The following CDH23 variants were observed in gnomAD, a reference collection of about 807,000 sequenced individuals.
CDH23 encodes the protein cadherin related 23, also known as cadherin-23.
A neutral mutation model predicts 317.1 loss-of-function variants in CDH23; 189 were observed. That is an observed-to-expected ratio of 0.60 (90% CI 0.53 to 0.67). CDH23 has a LOEUF of 0.67. Among genes scored for constraint, CDH23 ranks in the 30% least tolerant of loss-of-function variants. CDH23 has a pLI of 0.00. For missense variants in CDH23, 4,401 were observed against 4,592.4 expected (o/e 0.96, Z 1.20); for synonymous variants, 1,839 against 1,876.8 (o/e 0.98, Z 0.52).
At chr10:71,729,394 G>A (rs1866961132) in intron 30 of CDH23, among the ~76,000 whole-genome samples, 1 of 152,220 alleles carries the variant, frequency 6.6e-6, no homozygotes, top group Non-Finnish European at 1.5e-5. Context: ...TGTCATGGAG[G>A]GAGCTAGGCC....
At chr10:71,679,577 C>A in intron 17 of CDH23, 85 bp downstream of exon 17, 2 of 1,074,118 alleles carry the variant, frequency 1.9e-6, no homozygotes, top group Non-Finnish European at 2.8e-6. Context: ...GGGGATGAGG[C>A]GGGCACTCCT....
intron 8 of CDH23, among the ~76,000 whole-genome samples, chr10:71,575,278 C>A (rs1211268678): frequency 6.6e-6 from 1 of 152,132 alleles, no homozygotes; most frequent in African/African-American, 2.4e-5. Context: ...TCATCAGATG[C>A]ACACAGTGAT....
rs116123057 is a variant in CDH23 at position 71,679,540 on chromosome 10, G to T, written c.1858+48G>T. ...GGCCCAGCCAGGAGGAGGGCTGGGG[G>T]GCTCTCTGCACTCACACCTCCCTTG... On this transcript the variant is annotated intron_variant, in intron 17 of 69. Coordinates refer to ENST00000224721, the MANE Select transcript of CDH23 (RefSeq NM_022124.6). 8.1e-4 allele frequency: 1,131 copies of T among 1,393,008 alleles called. 7 individuals carry two copies. In the African/African-American group the frequency reaches 0.011, roughly 14 times the overall value. The allele number at this position is 1,393,008 out of a possible 1,614,324, so 86.3% of individuals were successfully genotyped here.
In CDH23 at chr10:71,408,735, C is replaced by T. The variant is rs760600994; in HGVS notation, c.-6+11417C>T. On this transcript the variant is annotated intron_variant, in intron 1 of 69. Coordinates refer to ENST00000224721, the MANE Select transcript of CDH23 (RefSeq NM_022124.6). ...AGAGAGGCTGTTAACTAGGTGACCT[C>T]GTTGCACCTGTGTGTTTCACAGCTT... is the stretch of plus-strand genomic sequence containing the variant. Among the ~76,000 whole-genome samples the T allele has an allele frequency of 6.6e-4, 100 of 152,208 alleles. 2 individuals are homozygous for T. The highest frequency in any genetic ancestry group is 2.1e-4 in the Non-Finnish European group (14 of 68,040).
intron 22 of CDH23, among the ~76,000 whole-genome samples, chr10:71,699,047 G>A (rs1589347246): frequency 1.3e-5 from 2 of 152,328 alleles, no homozygotes; most frequent in Middle Eastern, 6.8e-3. Flanking sequence ...TGGCACATGG[G>A]GAGTGGTCGG....
chr10:71,576,940 G>A (rs1858248764), intron 8 of CDH23, among the ~76,000 whole-genome samples: 1 of 152,176 alleles, frequency 6.6e-6, no homozygotes, highest in South Asian at 2.1e-4. Context: ...TCCTAGGACA[G>A]TCTTATGCCT....
chr10:71,755,986 AATAG>A (rs1375241756), intron 38 of CDH23, among the ~76,000 whole-genome samples: 1 of 152,212 alleles, frequency 6.6e-6, no homozygotes, highest in East Asian at 1.9e-4. Context: ...GTTTTATCAT[AATAG>A]ATAAAAAGCC....
In CDH23 at chr10:71,732,316, C is replaced by T. The variant is rs41281318; in HGVS notation, c.4045C>T (p.Arg1349Cys). Residue 1349 changes from arginine (R) to cysteine (C), a missense_variant, in exon 32 of 70, where the codon CGC becomes TGC. By Grantham distance (180) the Arg-to-Cys change is radical (BLOSUM62 -3). Coordinates refer to ENST00000224721, the MANE Select transcript of CDH23 (RefSeq NM_022124.6). ...CGACAACCTCAACCAAATCACGTAC[C>T]GCTTCAACGCCTACACCAGCACCCA... Reference protein sequence around the residue: ...SIDNLNQITYRFNAYTSTQAK... With the variant: ...SIDNLNQITYCFNAYTSTQAK... The T allele has an allele frequency of 4.4e-3, 7,066 of 1,603,690 alleles. 21 individuals carry two copies. Among genetic ancestry groups the T allele is most frequent in the Non-Finnish European group, 5.4e-3 (6,384 of 1,174,874 alleles).
At chr10:71,689,793 CAG>C (rs1440123753) in intron 19 of CDH23, among the ~76,000 whole-genome samples, 1 of 152,182 alleles carries the variant, frequency 6.6e-6, no homozygotes, top group African/African-American at 2.4e-5. Flanking sequence ...CTGAGGGGTC[CAG>C]TCTGGGTGTG....
At chr10:71,636,833 C>T (rs921745174) in intron 11 of CDH23, among the ~76,000 whole-genome samples, 4 of 152,192 alleles carry the variant, frequency 2.6e-5, no homozygotes, top group African/African-American at 4.8e-5. Context: ...CCATGAGTGG[C>T]GGGGCAGGCC....
chr10:71,799,704 T>C, intron 52 of CDH23, 75 bp downstream of exon 52: 4 of 1,597,988 alleles, frequency 2.5e-6, no homozygotes, highest in Non-Finnish European at 2.6e-6. Context: ...CCACCAAAAG[T>C]ATTGTAGTAA....
chr10:71,751,251 G>C lies in CDH23; in HGVS notation c.4845+9330G>C, dbSNP rs1477436185. The C allele has an allele frequency of 6.2e-7, 1 of 1,608,488 alleles. No individual in the cohort carries two copies. Among genetic ancestry groups the C allele is most frequent in the Non-Finnish European group, 8.5e-7 (1 of 1,177,128 alleles). On this transcript the variant is annotated intron_variant, in intron 38 of 69. Transcript: ENST00000224721. This position sits in a 1 kb window ranked among gnomAD's most constrained non-coding sequence, Gnocchi z 4.9. ...ACAACAGCCCACTGTCCCCCAGCTGGGCTAGATGACCTCAAAGTTTGGAGA... is the reference window on the plus strand; with the variant it reads ...ACAACAGCCCACTGTCCCCCAGCTGCGCTAGATGACCTCAAAGTTTGGAGA...
chr10:71,702,799 C>G (rs1865642396), intron 24 of CDH23, 105 bp downstream of exon 24: 2 of 1,352,130 alleles, frequency 1.5e-6, no homozygotes, highest in Non-Finnish European at 2.1e-6. Context: ...AGGGGAGGAG[C>G]TGGGTCTTGA....
In CDH23 at chr10:71,719,439, G is replaced by A. The variant is rs148483703; in HGVS notation, c.3370-4606G>A. ...GTTCCACAGAGCAGGACCTGCTGTG[G>A]GCAGAGAAGACTGCTGTGTGGCCTC... On this transcript the variant is annotated intron_variant, in intron 28 of 69. Transcript: ENST00000224721. Among the ~76,000 whole-genome samples, 14 of 152,294 alleles carry A rather than the reference G, an allele frequency of 9.2e-5. No individual in the cohort carries two copies. In the East Asian group the frequency reaches 2.7e-3, roughly 29 times the overall value.
At chr10:71,734,544 G>A (rs1417751471) in intron 33 of CDH23, 112 bp from the exon 34 acceptor site, 2 of 1,606,236 alleles carry the variant, frequency 1.2e-6, no homozygotes, top group African/African-American at 1.3e-5. Flanking sequence ...GGTGGAGGGT[G>A]GCACCTCCAG....
chr10:71,760,314 C>CATATCT (rs1840344914), intron 38 of CDH23, among the ~76,000 whole-genome samples: 1 of 82,418 alleles, frequency 1.2e-5, no homozygotes, highest in Non-Finnish European at 3.0e-5. Context: ...TATACACACA[C>CATATCT]ATATATATAT....
chr10:71,528,062 T>C (rs1183907721), intron 6 of CDH23, among the ~76,000 whole-genome samples: 1 of 152,188 alleles, frequency 6.6e-6, no homozygotes, highest in Non-Finnish European at 1.5e-5. Flanking sequence ...GTCAGTGTTA[T>C]AAGAAACACA....
chr10:71,493,610 G>A (rs115174501), intron 3 of CDH23, among the ~76,000 whole-genome samples: 52 of 152,284 alleles, frequency 3.4e-4, no homozygotes, highest in African/African-American at 1.3e-3. Flanking sequence ...ACAAATAGAT[G>A]TGGGGAAGGC....
intron 21 of CDH23, among the ~76,000 whole-genome samples, chr10:71,694,470 G>T (rs761708396): frequency 2.0e-5 from 3 of 152,134 alleles, no homozygotes; most frequent in Non-Finnish European, 2.9e-5. Context: ...GAATGTAGGG[G>T]CACTTGGGAG....
Sources: allele counts gnomAD v4.1 joint callset (sites outside exome capture counted in the v4.1 genomes callset), GRCh38; gene constraint gnomAD v4.1.1; non-coding constraint Gnocchi (gnomAD v3.1); transcripts MANE v1.5; gene names NCBI Gene and HGNC (gene_info 2026-07-23, HGNC 2026-07-21).